LUZP2: variants seen among roughly 807,000 people sequenced by gnomAD.
LUZP2 encodes leucine zipper protein 2.
LUZP2 carries 52 observed loss-of-function variants against 51.6 expected under a neutral mutation model. The observed-to-expected ratio is 1.01, with a 90% CI of 0.81 to 1.27. The LOEUF (loss-of-function observed/expected upper bound fraction) is 1.27. Among genes scored for constraint, LUZP2 ranks in the 50% most tolerant of loss-of-function variants. The pLI is 0.00. For synonymous variants in LUZP2, 154 were observed against 137.3 expected (o/e 1.12, Z -0.85); for missense variants, 436 against 395.4 (o/e 1.10, Z -0.87).
At chr11:24,656,441 T>C (rs1287733023) in intron 1 of LUZP2, among the ~76,000 whole-genome samples, 1 of 152,200 alleles carries the variant, frequency 6.6e-6, no homozygotes, top group Non-Finnish European at 1.5e-5. Flanking sequence ...TTTCTATTGC[T>C]TCTGTAACAA....
intron 7 of LUZP2, among the ~76,000 whole-genome samples, chr11:24,937,574 T>G (rs1854622485): frequency 6.6e-6 from 1 of 152,198 alleles, no homozygotes; most frequent in African/African-American, 2.4e-5. Context: ...TTTTAGAGTC[T>G]AAACAATTAT....
intron 5 of LUZP2, among the ~76,000 whole-genome samples, chr11:24,836,244 A>G (rs1248206118): frequency 6.6e-6 from 1 of 151,952 alleles, no homozygotes; most frequent in Non-Finnish European, 1.5e-5. Flanking sequence ...TCATAGCAAG[A>G]GTCTAGCTCT....
At chr11:25,016,765 CTTTT>C (rs993341802) in intron 9 of LUZP2, among the ~76,000 whole-genome samples, 1 of 151,850 alleles carries the variant, frequency 6.6e-6, no homozygotes, top group Admixed American at 6.6e-5. Flanking sequence ...CATATGATGA[CTTTT>C]TTTTCCTGTG....
rs111376449 is a variant in LUZP2 at position 24,683,172 on chromosome 11, G to A, written c.63-45997G>A. 1.8e-4 allele frequency among the ~76,000 whole-genome samples: 28 copies of A among 152,228 alleles called. 1 individual carries two copies. The highest frequency in any genetic ancestry group is 6.0e-4 in the African/African-American group (25 of 41,532). On this transcript the variant is annotated intron_variant, in intron 1 of 11. Coordinates refer to ENST00000336930, the MANE Select transcript of LUZP2 (RefSeq NM_001009909.4). The stretch of plus-strand genomic sequence containing the variant: ...GTCTTCACTTATTGGAAGACAGGCC[G>A]GCAGGCTAGACAAAGAGAAGTGTTG...
chr11:24,997,085 G>T (rs973455953), intron 9 of LUZP2, among the ~76,000 whole-genome samples: 3 of 150,120 alleles, frequency 2.0e-5, no homozygotes, highest in African/African-American at 7.4e-5. Context: ...ACATACGTGT[G>T]CATGTGTCTT....
intron 5 of LUZP2, among the ~76,000 whole-genome samples, chr11:24,796,889 CAT>C (rs2134107110): frequency 6.6e-6 from 1 of 152,180 alleles, no homozygotes; most frequent in Non-Finnish European, 1.5e-5. Flanking sequence ...TCTGCATATG[CAT>C]GTTTTATTTT....
At chr11:24,885,083 TATC>T in intron 5 of LUZP2, among the ~76,000 whole-genome samples, 2 of 152,142 alleles carry the variant, frequency 1.3e-5, no homozygotes, top group Admixed American at 1.3e-4. Context: ...CAGAGAGACA[TATC>T]ATCATGTGAA....
intron 10 of LUZP2, among the ~76,000 whole-genome samples, chr11:25,075,067 A>G (rs1306432358): frequency 3.3e-5 from 5 of 152,174 alleles, no homozygotes; most frequent in Non-Finnish European, 7.4e-5. Context: ...AAATGCAAGA[A>G]TAATAAAAAC....
At chr11:25,045,775 G>A (rs764242318) in intron 9 of LUZP2, among the ~76,000 whole-genome samples, 1 of 144,912 alleles carries the variant, frequency 6.9e-6, no homozygotes, top group Non-Finnish European at 1.5e-5. Flanking sequence ...AATTTTTATG[G>A]TAAAACACTA....
chr11:24,616,475 A>ATGTGTGTGTGTGTGTG (rs61413263), intron 1 of LUZP2, among the ~76,000 whole-genome samples: 1,200 of 98,496 alleles, frequency 0.012, 24 homozygotes, highest in African/African-American at 0.03. Flanking sequence ...TGGCGTGCGC[A>ATGTGTGTGTGTGTGTG]TGTGTGTGTG....
intron 10 of LUZP2, among the ~76,000 whole-genome samples, chr11:25,059,030 A>G (rs572572437): frequency 1.3e-5 from 2 of 152,294 alleles, no homozygotes; most frequent in East Asian, 3.9e-4. Context: ...GCTTGTTTTT[A>G]GCCTATAGCT....
chr11:24,970,612 C>T (rs1280568892), intron 7 of LUZP2, among the ~76,000 whole-genome samples: 1 of 152,100 alleles, frequency 6.6e-6, no homozygotes, highest in Non-Finnish European at 1.5e-5. Flanking sequence ...TAAAATTATT[C>T]ACTGAAATTT....
intron 5 of LUZP2, among the ~76,000 whole-genome samples, chr11:24,803,791 T>G (rs1033840209): frequency 3.3e-5 from 5 of 152,076 alleles, no homozygotes; most frequent in Admixed American, 2.0e-4. Context: ...ACAATATATA[T>G]GGAAGACTAG....
At chr11:24,859,490 G>T (rs1851668961) in intron 5 of LUZP2, among the ~76,000 whole-genome samples, 1 of 152,118 alleles carries the variant, frequency 6.6e-6, no homozygotes, top group Admixed American at 6.5e-5. Context: ...TGAGTCAACG[G>T]TTTCTTAGTT....
intron 1 of LUZP2, among the ~76,000 whole-genome samples, chr11:24,560,622 A>T (rs6484057): frequency 0.42 from 63,424 of 151,892 alleles, 13,759 homozygotes; most frequent in African/African-American, 0.51. Context: ...CCCATCCCCA[A>T]AGACTCTTTT....
intron 1 of LUZP2, among the ~76,000 whole-genome samples, chr11:24,621,998 A>G (rs1462469662): frequency 6.6e-6 from 1 of 151,724 alleles, no homozygotes; most frequent in Non-Finnish European, 1.5e-5. Context: ...TGTCACCCAG[A>G]GGCACAGTCT....
chr11:24,740,056 C>A (rs1274396685), intron 4 of LUZP2, among the ~76,000 whole-genome samples: 1 of 152,122 alleles, frequency 6.6e-6, no homozygotes, highest in Non-Finnish European at 1.5e-5. Flanking sequence ...CGTGACTAAT[C>A]ATATTTAATC....
At chr11:24,771,924 T>C (rs1244811584) in intron 5 of LUZP2, among the ~76,000 whole-genome samples, 1 of 152,208 alleles carries the variant, frequency 6.6e-6, no homozygotes, top group Non-Finnish European at 1.5e-5. Flanking sequence ...TCCCCAGCCA[T>C]GTGGAACTGT....
intron 5 of LUZP2, among the ~76,000 whole-genome samples, chr11:24,905,032 A>G (rs943662279): frequency 6.6e-6 from 1 of 152,206 alleles, no homozygotes; most frequent in Non-Finnish European, 1.5e-5. Flanking sequence ...AGTCCATTAT[A>G]TAATGATAAC....
Sources: gnomAD v4.1 joint callset for allele counts (sites outside exome capture counted in the v4.1 genomes callset) on GRCh38, gnomAD v4.1.1 for gene constraint, MANE v1.5 for transcripts, NCBI Gene and HGNC (gene_info 2026-07-23, HGNC 2026-07-21) for gene names.